Variants in CINP observed in about 807,000 individuals in gnomAD.
CINP encodes the protein cyclin-dependent kinase 2-interacting protein.
A neutral mutation model predicts 20.5 loss-of-function variants in CINP; 11 were observed. The observed-to-expected ratio is 0.54, with a 90% CI of 0.34 to 0.89. CINP has a LOEUF of 0.89. CINP is among the 40% of genes least tolerant of loss of function. CINP has a pLI of 0.02. For missense variants in CINP, 213 were observed against 251.0 expected (o/e 0.85, Z 1.02); for synonymous variants, 108 against 102.1 (o/e 1.06, Z -0.35).
intron 2 of CINP, 61 bp from the exon 3 acceptor site, chr14:102,355,958 A>T: frequency 2.6e-6 from 4 of 1,561,950 alleles, no homozygotes; most frequent in South Asian, 1.2e-5. Flanking sequence ...TTATTTCCTT[A>T]TAATAAATTC....
At chr14:102,348,809 G>T in intron 4 of CINP, 50 bp from the exon 5 acceptor site, 1 of 1,531,988 alleles carries the variant, frequency 6.5e-7, no homozygotes, top group Non-Finnish European at 8.9e-7. Flanking sequence ...AGAACATAGT[G>T]TCGACTTGGG....
intron 3 of CINP, among the ~76,000 whole-genome samples, chr14:102,354,713 C>T (rs767828712): frequency 5.3e-5 from 8 of 150,252 alleles, no homozygotes; most frequent in Non-Finnish European, 1.0e-4. Flanking sequence ...GCCAAGATCT[C>T]GCCACTGCAC....
Position 102,359,492 on chromosome 14 carries a change from G to A in CINP, c.103C>T (p.Leu35=), listed in dbSNP as rs144884749. The part of the protein sequence containing the change: ...DNAADWHNLI[L]KWETLNDAGF... ...GCATCATTGAGGGTTTCCCACTTCA[G>A]GATTAAATTGTGCCAATCAGCCGCA... The change falls in exon 2 of 5, where the codon CTG becomes TTG. Residue 35 remains leucine (L), a synonymous_variant. Transcript: ENST00000216756. 1.9e-6 allele frequency: 3 copies of A among 1,613,124 alleles called. No individual in the cohort carries two copies. The highest frequency in any genetic ancestry group is 2.5e-6 in the Non-Finnish European group (3 of 1,179,494).
In CINP at chr14:102,348,649, G is replaced by A. The variant is rs1455243297; in HGVS notation, c.547C>T (p.Leu183=). 1.2e-6 allele frequency: 2 copies of A among 1,614,078 alleles called. No individual in the cohort carries two copies. The highest frequency in any genetic ancestry group is 2.2e-5 in the East Asian group (1 of 44,882). The part of the protein sequence containing the change: ...TGDPDLTLSY[L]SMWLHQPYVE... ...TAGGGCTGGTGCAGCCACATGGACA[G>A]GTAGCTCAGGGTGAGGTCGGGATCC... The change falls in exon 5 of 5, where the codon CTG becomes TTG. Residue 183 remains leucine, a synonymous_variant. Transcript: ENST00000216756.
intron 3 of CINP, among the ~76,000 whole-genome samples, chr14:102,353,313 A>G (rs1886915295): frequency 6.6e-6 from 1 of 152,158 alleles, no homozygotes; most frequent in Admixed American, 6.6e-5. Flanking sequence ...GAGGAGGAGA[A>G]AGAGCAACGT....
chr14:102,353,322 G>A (rs578261802), intron 3 of CINP, among the ~76,000 whole-genome samples: 26 of 152,260 alleles, frequency 1.7e-4, no homozygotes, highest in African/African-American at 6.3e-4. Context: ...AAAGAGCAAC[G>A]TCACAGCAGA....
intron 1 of CINP, among the ~76,000 whole-genome samples, chr14:102,360,850 C>T (rs1887123841): frequency 1.3e-5 from 2 of 152,152 alleles, no homozygotes; most frequent in South Asian, 4.1e-4. Flanking sequence ...CTGTGTGTGT[C>T]CCCACTCCCC....
intron 2 of CINP, among the ~76,000 whole-genome samples, chr14:102,356,694 T>TAATTCTTACAATATTTC (rs2139631749): frequency 6.6e-6 from 1 of 152,372 alleles, no homozygotes; most frequent in Non-Finnish European, 1.5e-5. Flanking sequence ...TATCATATTT[T>TAATTCTTACAATATTTC]GGTAATTCTT....
chr14:102,357,123 G>A (rs1376301347), intron 2 of CINP, among the ~76,000 whole-genome samples: 1 of 152,206 alleles, frequency 6.6e-6, no homozygotes, highest in African/African-American at 2.4e-5. Context: ...GCTCACGCCT[G>A]TAATCCTAGC....
intron 1 of CINP, among the ~76,000 whole-genome samples, chr14:102,360,622 A>G (rs1382939489): frequency 6.6e-6 from 1 of 152,230 alleles, no homozygotes; most frequent in Non-Finnish European, 1.5e-5. Context: ...GGGAATAAAA[A>G]TAGTATCTAT....
At chr14:102,353,252 C>T (rs1886912807) in intron 3 of CINP, among the ~76,000 whole-genome samples, 1 of 152,126 alleles carries the variant, frequency 6.6e-6, no homozygotes, top group African/African-American at 2.4e-5. Flanking sequence ...ACGTCCCTAC[C>T]CCCAGGTGTG....
intron 3 of CINP, among the ~76,000 whole-genome samples, chr14:102,355,027 C>T (rs1362757726): frequency 6.6e-6 from 1 of 150,424 alleles, no homozygotes. Flanking sequence ...CAAGATCATG[C>T]TACTGTACTC....
chr14:102,355,942 C>T (rs1886990719), intron 2 of CINP, 45 bp from the exon 3 acceptor site: 4 of 1,594,988 alleles, frequency 2.5e-6, no homozygotes, highest in Non-Finnish European at 3.4e-6. Context: ...ACTCTTTAAG[C>T]TTGCCTTATT....
At chr14:102,352,394 C>G in intron 3 of CINP, 1 of 409,836 alleles carries the variant, frequency 2.4e-6, no homozygotes, top group South Asian at 1.7e-5. Context: ...CCTGAATGAA[C>G]AGTGCATAAA....
intron 1 of CINP, among the ~76,000 whole-genome samples, chr14:102,361,641 AAAAAC>A (rs56044966): frequency 1.7e-3 from 251 of 152,056 alleles, no homozygotes; most frequent in African/African-American, 4.7e-3. Flanking sequence ...ACTCCGTCTC[AAAAAC>A]AAAACAAAAC....
At position 102,359,410 on chromosome 14, in the gene CINP, T is replaced by C. The variant is rs1887081684; in HGVS notation, c.176+9A>G. The C allele has an allele frequency of 6.3e-7, 1 of 1,576,596 alleles. No homozygotes were observed. Among genetic ancestry groups the C allele is most frequent in the Non-Finnish European group, 8.6e-7 (1 of 1,158,578 alleles). ...AAACTTAGAGCATGAAAAACCAATA[T>C]GTACTTACAATAAACTGATTTTCAA... On this transcript the variant is annotated intron_variant, in intron 2 of 4. Transcript: ENST00000216756.
At position 102,348,452 on chromosome 14, in the gene CINP, G is replaced by GAAA; in HGVS notation, c.*104_*105insTTT. On this transcript the variant is annotated 3_prime_UTR_variant, in exon 5 of 5. Coordinates refer to ENST00000216756, the MANE Select transcript of CINP (RefSeq NM_032630.3). ...ACAAGCTCTGGCCAGAAGACCCCAAGGTCTGATCCTGGGGTCTGATCCAGG... is the reference window on the plus strand; with the variant it reads ...ACAAGCTCTGGCCAGAAGACCCCAAGAAAGTCTGATCCTGGGGTCTGATCCAGG... 1.9e-6 allele frequency: 2 copies of GAAA among 1,073,272 alleles called. No homozygotes were observed. The highest frequency in any genetic ancestry group is 1.5e-5 in the South Asian group (1 of 64,880). The allele number at this position is 1,073,272 out of a possible 1,614,324, so 66.5% of individuals were successfully genotyped here. A position where few individuals can be genotyped will look rare whatever the true frequency, so the allele number is the denominator to read the frequency against.
At chr14:102,361,571 G>T (rs1008353277) in intron 1 of CINP, among the ~76,000 whole-genome samples, 1 of 152,240 alleles carries the variant, frequency 6.6e-6, no homozygotes, top group Admixed American at 6.5e-5. Context: ...AACCCGGGAG[G>T]CGGAACTTGC....
At position 102,362,854 on chromosome 14, in the gene CINP, G is replaced by C. The variant is rs201926830; in HGVS notation, c.-3C>G. ...AACCGATCTCACGCACCTTCCATAA[G>C]GTCCACAGATATCCGTAGAAGGAGA... On this transcript the variant is annotated 5_prime_UTR_variant, in exon 1 of 5. Coordinates refer to ENST00000216756, the MANE Select transcript of CINP (RefSeq NM_032630.3). 1 of 1,614,144 alleles carries C rather than the reference G, an allele frequency of 6.2e-7. No individual in the cohort carries two copies. Among genetic ancestry groups the C allele is most frequent in the Non-Finnish European group, 8.5e-7 (1 of 1,179,982 alleles).
Sources: allele counts gnomAD v4.1 joint callset (sites outside exome capture counted in the v4.1 genomes callset), GRCh38; gene constraint gnomAD v4.1.1; transcripts MANE v1.5; gene names NCBI Gene and HGNC (gene_info 2026-07-23, HGNC 2026-07-21).